The following ZMIZ1 variants were observed in gnomAD, a reference collection of about 807,000 sequenced individuals.
ZMIZ1 encodes zinc finger MIZ-type containing 1.
In ZMIZ1, 17 loss-of-function variants were observed where a neutral mutation model predicts 113.9. The observed-to-expected ratio is 0.15, with a 90% CI of 0.10 to 0.22. The LOEUF (loss-of-function observed/expected upper bound fraction) is 0.22. ZMIZ1 is among the 10% of genes least tolerant of loss of function. The pLI, the probability that ZMIZ1 is intolerant of heterozygous loss-of-function variation, is 1.00. For synonymous variants in ZMIZ1, 607 were observed against 603.1 expected, an observed-to-expected ratio of 1.01 and a Z score of -0.09; for missense variants, 1,059 against 1,477.8, an observed-to-expected ratio of 0.72 and a Z score of 4.65.
At chr10:79,239,884 TCCCCACCCGC>T (rs1487568839) in intron 7 of ZMIZ1, among the ~76,000 whole-genome samples, 2 of 143,134 alleles carry the variant, frequency 1.4e-5, no homozygotes, top group Non-Finnish European at 3.1e-5. Context: ...ACTGGAAGGG[TCCCCACCCGC>T]CCCCACCCCA....
chr10:79,293,732 G>A (rs1329944000), intron 12 of ZMIZ1, 79 bp downstream of exon 12: 4 of 1,604,654 alleles, frequency 2.5e-6, no homozygotes, highest in East Asian at 2.2e-5. Context: ...GTACGGCTTT[G>A]GAAGGGGTGT....
chr10:79,314,149 C>A lies in ZMIZ1; in HGVS notation c.*1400C>A, dbSNP rs559686638. 1 of 457,024 alleles carries A rather than the reference C, an allele frequency of 2.2e-6. No homozygotes were observed. The highest frequency in any genetic ancestry group is 6.9e-5 in the East Asian group (1 of 14,536). 28.3% of individuals were successfully genotyped at this position (457,024 alleles called of 1,614,324 possible). A position where few individuals can be genotyped will look rare whatever the true frequency, so the allele number is the denominator to read the frequency against. ...AAGCAGCCTCTGGCCTTCCCTCCACCGCTTTGCTCCATCTGGCTTACCACT... is the reference window on the plus strand; with the variant it reads ...AAGCAGCCTCTGGCCTTCCCTCCACAGCTTTGCTCCATCTGGCTTACCACT... On this transcript the variant is annotated 3_prime_UTR_variant, in exon 25 of 25. Transcript: ENST00000334512.
At chr10:79,311,906 G>A (rs1166794283) in intron 24 of ZMIZ1, among the ~76,000 whole-genome samples, 1 of 152,060 alleles carries the variant, frequency 6.6e-6, no homozygotes, top group Non-Finnish European at 1.5e-5. Context: ...GCTTGTCCTC[G>A]GCCCCTCCTG....
chr10:79,284,578 G>GT (rs1852945104), intron 8 of ZMIZ1, among the ~76,000 whole-genome samples: 2 of 152,238 alleles, frequency 1.3e-5, no homozygotes, highest in Non-Finnish European at 2.9e-5. Flanking sequence ...AGAGAAAGGT[G>GT]TAAGTACAGT....
chr10:79,094,032 C>A (rs970175736), intron 1 of ZMIZ1, among the ~76,000 whole-genome samples: 1 of 152,180 alleles, frequency 6.6e-6, no homozygotes, highest in Non-Finnish European at 1.5e-5. Flanking sequence ...AACAGTCGAC[C>A]GAGGGCATTG....
At chr10:79,301,841 G>A (rs543490546) in intron 17 of ZMIZ1, among the ~76,000 whole-genome samples, 9 of 152,292 alleles carry the variant, frequency 5.9e-5, no homozygotes, top group Admixed American at 3.9e-4. Context: ...GGGAGGTTAG[G>A]AAGCAAAGTG....
chr10:79,210,784 G>A (rs1848498768), intron 6 of ZMIZ1, among the ~76,000 whole-genome samples: 1 of 152,234 alleles, frequency 6.6e-6, no homozygotes, highest in South Asian at 2.1e-4. Context: ...GTTGTCAGCA[G>A]GAGAGTGATG....
At chr10:79,162,175 C>T (rs1846137804) in intron 4 of ZMIZ1, 42 bp downstream of exon 4, 4 of 399,076 alleles carry the variant, frequency 1.0e-5, no homozygotes, top group South Asian at 1.3e-4. Flanking sequence ...CTGGGTCGGA[C>T]GCAGGTGAGT....
At chr10:79,223,863 C>T (rs1442995136) in intron 7 of ZMIZ1, among the ~76,000 whole-genome samples, 2 of 152,192 alleles carry the variant, frequency 1.3e-5, no homozygotes, top group African/African-American at 4.8e-5. Context: ...GCCTGAGATC[C>T]GGTGGCCTCA....
Position 79,208,407 on chromosome 10 carries a change from C to A in ZMIZ1, c.132C>A (p.Ala44=). The change falls in exon 6 of 25, where the codon GCC becomes GCA. Residue 44 remains alanine, a synonymous_variant. Transcript: ENST00000334512. ...TGGACTGGTGCGGAGACCCACGGGC[C>A]TTCCAGCGGCCCTTCGAGCAGAGCC... ...ELLDWCGDPR[A]FQRPFEQSLM... 6.2e-7 allele frequency: 1 copy of A among 1,614,092 alleles called. No individual in the cohort carries two copies. Among genetic ancestry groups the A allele is most frequent in the Non-Finnish European group, 8.5e-7 (1 of 1,180,032 alleles).
intron 2 of ZMIZ1, among the ~76,000 whole-genome samples, chr10:79,139,073 C>G (rs1227903752): frequency 1.3e-5 from 2 of 152,184 alleles, no homozygotes; most frequent in African/African-American, 4.8e-5. Context: ...CAGTTATAAG[C>G]AAAACAGCCA....
chr10:79,237,268 C>T lies in ZMIZ1; in HGVS notation c.280+20994C>T, dbSNP rs1169161361. ...ACTGGAGGCTGGGTCACGCGGGGGG[C>T]TCAGCCACAAGGACTTGCATTTTAC... On this transcript the variant is annotated intron_variant, in intron 7 of 24. Coordinates refer to ENST00000334512, the MANE Select transcript of ZMIZ1 (RefSeq NM_020338.4). 2.0e-5 allele frequency among the ~76,000 whole-genome samples: 3 copies of T among 152,220 alleles called. No homozygotes were observed. The East Asian group carries it at 5.8e-4, about 29-fold the overall frequency.
At chr10:79,094,283 G>A (rs1843097191) in intron 1 of ZMIZ1, among the ~76,000 whole-genome samples, 1 of 152,326 alleles carries the variant, frequency 6.6e-6, no homozygotes, top group South Asian at 2.1e-4. Flanking sequence ...GCCCACGGGC[G>A]ACTCAGAAGG....
chr10:79,243,928 C>T (rs1299144463), intron 7 of ZMIZ1, among the ~76,000 whole-genome samples: 1 of 152,228 alleles, frequency 6.6e-6, no homozygotes, highest in Non-Finnish European at 1.5e-5. Context: ...GTGCACCGGG[C>T]CGGTTTTGTG....
intron 4 of ZMIZ1, among the ~76,000 whole-genome samples, chr10:79,184,555 CGCCCCCTCTCT>C (rs1268890367): frequency 6.6e-6 from 1 of 152,212 alleles, no homozygotes; most frequent in Non-Finnish European, 1.5e-5. Context: ...TGCAATCACC[CGCCCCCTCTCT>C]GCCTCCTCTC....
intron 1 of ZMIZ1, among the ~76,000 whole-genome samples, chr10:79,083,853 G>A (rs1842731371): frequency 6.6e-6 from 1 of 152,190 alleles, no homozygotes; most frequent in Non-Finnish European, 1.5e-5. Flanking sequence ...GGGAGTCTGA[G>A]CCCTTCTCCT....
chr10:79,278,131 C>T (rs1003049172), intron 8 of ZMIZ1, among the ~76,000 whole-genome samples: 3 of 152,264 alleles, frequency 2.0e-5, no homozygotes, highest in Non-Finnish European at 4.4e-5. Context: ...GGGTGTCAGC[C>T]ACGCTTTATA....
intron 16 of ZMIZ1, 36 bp downstream of exon 16, chr10:79,299,227 A>T (rs1205348237): frequency 3.2e-6 from 5 of 1,576,940 alleles, no homozygotes; most frequent in Admixed American, 1.7e-5. Context: ...CCCAGGCGGG[A>T]TGAAGGAGGT....
At chr10:79,207,826 G>A (rs980382104) in intron 5 of ZMIZ1, among the ~76,000 whole-genome samples, 1 of 152,074 alleles carries the variant, frequency 6.6e-6, no homozygotes, top group African/African-American at 2.4e-5. Flanking sequence ...GCTGGTGGGA[G>A]CCCAGTCCTG....
Sources: allele counts gnomAD v4.1 joint callset (sites outside exome capture counted in the v4.1 genomes callset), GRCh38; gene constraint gnomAD v4.1.1; transcripts MANE v1.5; gene names NCBI Gene and HGNC (gene_info 2026-07-23, HGNC 2026-07-21).